The following SEMA6D variants were observed in gnomAD, a reference collection of about 807,000 sequenced individuals.
The protein encoded by SEMA6D is semaphorin-6D.
Under a neutral mutation model 106.6 loss-of-function variants are expected in SEMA6D, and 35 were observed. The ratio of observed to expected loss-of-function variants is 0.33; its 90% CI spans 0.25 to 0.44. SEMA6D has a LOEUF of 0.44. SEMA6D is among the 20% of genes least tolerant of loss of function. The pLI is 1.00. For missense variants in SEMA6D, 1,185 were observed against 1,345.9 expected, an observed-to-expected ratio of 0.88 and a Z score of 1.87; for synonymous variants, 499 against 487.7, an observed-to-expected ratio of 1.02 and a Z score of -0.31.
intron 2 of SEMA6D, among the ~76,000 whole-genome samples, chr15:47,425,757 G>A (rs150851821): frequency 1.3e-5 from 2 of 149,476 alleles, no homozygotes; most frequent in East Asian, 2.0e-4. Context: ...TGCAACCTCC[G>A]CCTCCCAGGT....
chr15:47,260,482 T>C (rs2034019010), intron 1 of SEMA6D, among the ~76,000 whole-genome samples: 1 of 152,148 alleles, frequency 6.6e-6, no homozygotes, highest in Non-Finnish European at 1.5e-5. Context: ...TGATCCATGC[T>C]AGTACTGCCT....
intron 1 of SEMA6D, among the ~76,000 whole-genome samples, chr15:47,199,233 G>T (rs1436232674): frequency 6.6e-6 from 1 of 152,162 alleles, no homozygotes; most frequent in African/African-American, 2.4e-5. Context: ...TTATATTAAG[G>T]TGCAGAAGAA....
At chr15:47,217,043 C>T (rs2030684282) in intron 1 of SEMA6D, among the ~76,000 whole-genome samples, 1 of 152,040 alleles carries the variant, frequency 6.6e-6, no homozygotes, top group Admixed American at 6.6e-5. Context: ...AGCAATAAGG[C>T]ACCCTCTACA....
chr15:47,428,325 C>T (rs1294332063), intron 2 of SEMA6D, among the ~76,000 whole-genome samples: 8 of 152,064 alleles, frequency 5.3e-5, no homozygotes, highest in Admixed American at 1.3e-4. Context: ...AATATGAACA[C>T]GTAGTGTAAA....
intron 1 of SEMA6D, among the ~76,000 whole-genome samples, chr15:47,186,193 A>G (rs1748721198): frequency 6.6e-6 from 1 of 152,126 alleles, no homozygotes; most frequent in Non-Finnish European, 1.5e-5. Context: ...GACATCCCTG[A>G]TGGACCTGCT....
intron 1 of SEMA6D, among the ~76,000 whole-genome samples, chr15:47,729,341 G>A (rs569668545): frequency 6.6e-6 from 1 of 152,274 alleles, no homozygotes; most frequent in African/African-American, 2.4e-5. Context: ...TTCTCAGGGT[G>A]TATATTATTT....
chr15:47,573,167 G>A (rs2076093012), intron 3 of SEMA6D, among the ~76,000 whole-genome samples: 1 of 151,102 alleles, frequency 6.6e-6, no homozygotes, highest in Admixed American at 6.6e-5. Context: ...GAATTTGTAA[G>A]TTAAATTAGA....
chr15:47,290,426 GA>G (rs2035547252), intron 1 of SEMA6D, among the ~76,000 whole-genome samples: 1 of 152,166 alleles, frequency 6.6e-6, no homozygotes, highest in Admixed American at 6.5e-5. Context: ...ACTGGGAGAT[GA>G]AGAATTGTTC....
In SEMA6D at chr15:47,238,577, C is replaced by T. The variant is rs547830085; in HGVS notation, c.-239+54159C>T. ...TCCTTGGGGCCAAGGAATCTGTGTTCCCAAGAGTGCCTAGCACAGTATTTT... is the reference window on the plus strand; with the variant it reads ...TCCTTGGGGCCAAGGAATCTGTGTTTCCAAGAGTGCCTAGCACAGTATTTT... On this transcript the variant is annotated intron_variant, in intron 1 of 19. Coordinates refer to the SEMA6D transcript ENST00000558014. 2.6e-5 allele frequency among the ~76,000 whole-genome samples: 4 copies of T among 152,056 alleles called. No individual in the cohort carries two copies. The South Asian group carries it at 8.3e-4, about 31-fold the overall frequency.
intron 4 of SEMA6D, among the ~76,000 whole-genome samples, chr15:47,653,660 A>G (rs1299330182): frequency 1.3e-5 from 2 of 152,284 alleles, no homozygotes; most frequent in Non-Finnish European, 2.9e-5. Context: ...TGCTTTTAAA[A>G]TAATTATTTA....
At chr15:47,553,680 A>G (rs1214899160) in intron 3 of SEMA6D, among the ~76,000 whole-genome samples, 1 of 152,076 alleles carries the variant, frequency 6.6e-6, no homozygotes, top group Non-Finnish European at 1.5e-5. Flanking sequence ...TGTCAGTACA[A>G]AGCTTTTTTT....
intron 1 of SEMA6D, among the ~76,000 whole-genome samples, chr15:47,198,774 T>C (rs1894527531): frequency 1.3e-5 from 2 of 152,224 alleles, no homozygotes; most frequent in African/African-American, 4.8e-5. Context: ...TCATTCTGCT[T>C]CCTTGACACC....
chr15:47,419,180 A>T (rs1319794649), intron 2 of SEMA6D, among the ~76,000 whole-genome samples: 1 of 152,086 alleles, frequency 6.6e-6, no homozygotes, highest in African/African-American at 2.4e-5. Context: ...CAGGAAAAAT[A>T]AGAGATCATG....
chr15:47,189,250 G>T (rs1325032398), intron 1 of SEMA6D, among the ~76,000 whole-genome samples: 1 of 152,064 alleles, frequency 6.6e-6, no homozygotes, highest in Non-Finnish European at 1.5e-5. Context: ...TGATTGACAG[G>T]TGTGACAATT....
intron 4 of SEMA6D, among the ~76,000 whole-genome samples, chr15:47,614,708 C>G (rs1288782766): frequency 1.3e-5 from 2 of 152,136 alleles, no homozygotes; most frequent in Non-Finnish European, 2.9e-5. Context: ...TCTGTAGATC[C>G]AGGACCTAGC....
At chr15:47,548,445 G>A (rs2045587761) in intron 3 of SEMA6D, among the ~76,000 whole-genome samples, 1 of 152,138 alleles carries the variant, frequency 6.6e-6, no homozygotes, top group Non-Finnish European at 1.5e-5. Context: ...AAATGGGGAA[G>A]TATACAAAGT....
intron 1 of SEMA6D, among the ~76,000 whole-genome samples, chr15:47,391,377 C>G (rs1441044583): frequency 7.4e-6 from 1 of 135,446 alleles, no homozygotes; most frequent in South Asian, 2.2e-4. Context: ...CTAAATAAGT[C>G]CTGATAGTAA....
At chr15:47,727,847 G>A (rs1010925662) in intron 1 of SEMA6D, among the ~76,000 whole-genome samples, 4 of 152,184 alleles carry the variant, frequency 2.6e-5, no homozygotes, top group African/African-American at 7.2e-5. Context: ...ATGCTTCAGG[G>A]CATAAGGTGA....
intron 2 of SEMA6D, among the ~76,000 whole-genome samples, chr15:47,447,032 C>G (rs1005735038): frequency 6.6e-6 from 1 of 152,128 alleles, no homozygotes. Flanking sequence ...TGGCCTCTTT[C>G]TGGAGCCTCA....
Sources: gnomAD v4.1 joint callset for allele counts (sites outside exome capture counted in the v4.1 genomes callset) on GRCh38, gnomAD v4.1.1 for gene constraint, MANE v1.5 for transcripts, NCBI Gene and HGNC (gene_info 2026-07-23, HGNC 2026-07-21) for gene names.